HEATR5B: variants seen among roughly 807,000 people sequenced by gnomAD.
The protein encoded by HEATR5B is HEAT repeat containing 5B.
HEATR5B carries 156 observed loss-of-function variants against 224.1 expected under a neutral mutation model. That is an observed-to-expected ratio of 0.70 (90% confidence interval 0.61 to 0.80). HEATR5B has a LOEUF of 0.80. Ranked by LOEUF, HEATR5B falls within the 30% of genes least tolerant of loss-of-function variation. The probability of loss-of-function intolerance (pLI) is 0.00; values close to 1 mark genes in which losing one functional copy is unlikely to be tolerated. For synonymous variants in HEATR5B, 1,027 were observed against 893.0 expected (o/e 1.15, Z -2.68); for missense variants, 2,323 against 2,535.5 (o/e 0.92, Z 1.80).
chr2:37,050,846 TG>T (rs1186792767), intron 17 of HEATR5B, among the ~76,000 whole-genome samples: 1 of 152,148 alleles, frequency 6.6e-6, no homozygotes, highest in Non-Finnish European at 1.5e-5. Context: ...AAGACCATCC[TG>T]GCCAACATGG....
rs184711213 is a variant in HEATR5B, at chr2:37,066,024, C to T, written c.1178-114G>A. The T allele has an allele frequency of 1.3e-5, 11 of 828,314 alleles. No homozygotes were observed. The East Asian group carries it at 1.9e-4, about 14-fold the overall frequency. 51.3% of individuals were successfully genotyped at this position (828,314 alleles called of 1,614,324 possible). On this transcript the variant is annotated intron_variant, in intron 8 of 35. Coordinates refer to ENST00000233099, the MANE Select transcript of HEATR5B (RefSeq NM_019024.3). ...CCAGTTGATGTCCGAGTGTTAAAAACTATGCAGTTATTTCTCAATAGAAAA... is the reference window on the plus strand; with the variant it reads ...CCAGTTGATGTCCGAGTGTTAAAAATTATGCAGTTATTTCTCAATAGAAAA...
intron 1 of HEATR5B, 41 bp downstream of exon 1, chr2:37,084,228 G>T: frequency 2.7e-6 from 1 of 372,386 alleles, no homozygotes; most frequent in Non-Finnish European, 4.8e-6. Flanking sequence ...ACGTCGGACA[G>T]GAGTCCGTGC....
In HEATR5B at chr2:37,031,438, T is replaced by TTTC. The variant is rs1558755866; in HGVS notation, c.3361+1190_3361+1191insGAA. On this transcript the variant is annotated intron_variant, in intron 22 of 35. Transcript: ENST00000233099. Reference sequence around the variant, plus strand: ...TTTTCTGTTTTTCTTTTCTTTCTTTTTTTTTTTTTTTTTAAAGAGACAGGA... The same window carrying TTTC: ...TTTTCTGTTTTTCTTTTCTTTCTTTTTTCTTTTTTTTTTTTTAAAGAGACAGGA... Among the ~76,000 whole-genome samples the TTTC allele has an allele frequency of 1.8e-4, 21 of 119,234 alleles. No homozygotes were observed. The South Asian group carries it at 2.8e-3, about 16-fold the overall frequency. The allele number at this position is 119,234 out of a possible 152,430, so 78.2% of individuals were successfully genotyped here.
chr2:36,999,028 C>A (rs1558707851), intron 33 of HEATR5B, among the ~76,000 whole-genome samples: 1 of 152,022 alleles, frequency 6.6e-6, no homozygotes, highest in African/African-American at 2.4e-5. Flanking sequence ...GGCTGGCCAA[C>A]ATGGTGAAAC....
At chr2:37,060,812 CACAAACTTTATGTAATTTTAGAG>C (rs1450352342) in intron 11 of HEATR5B, 79 bp from the exon 12 acceptor site, 1 of 1,189,138 alleles carries the variant, frequency 8.4e-7, no homozygotes, top group Non-Finnish European at 1.2e-6. Context: ...ATGAGCCCAA[CACAAACTTTATGTAATTTTAGAG>C]ATGAAAATAG....
At chr2:37,063,795 A>G (rs1333887550) in intron 10 of HEATR5B, among the ~76,000 whole-genome samples, 1 of 152,156 alleles carries the variant, frequency 6.6e-6, no homozygotes, top group Non-Finnish European at 1.5e-5. Flanking sequence ...GGAGAAAAAA[A>G]AGCTACTCAT....
chr2:36,990,588 C>G (rs1056033843), intron 34 of HEATR5B, 60 bp downstream of exon 34: 1 of 1,378,878 alleles, frequency 7.3e-7, no homozygotes, highest in Non-Finnish European at 9.7e-7. Context: ...ATGAATCAAT[C>G]TGACATTTTC....
chr2:37,035,746 A>G (rs1669437382), intron 21 of HEATR5B, among the ~76,000 whole-genome samples: 1 of 152,086 alleles, frequency 6.6e-6, no homozygotes, highest in Non-Finnish European at 1.5e-5. Flanking sequence ...TGGTGATCTC[A>G]TCTACTCCTA....
intron 35 of HEATR5B, 85 bp from the exon 36 acceptor site, chr2:36,981,879 G>C (rs1478619516): frequency 2.1e-6 from 2 of 969,606 alleles, no homozygotes; most frequent in East Asian, 5.1e-5. Flanking sequence ...ATGGAAGACT[G>C]AACATAATAA....
chr2:37,008,902 A>G (rs1489266018), intron 27 of HEATR5B, 54 bp from the exon 28 acceptor site: 3 of 1,061,242 alleles, frequency 2.8e-6, no homozygotes, highest in African/African-American at 1.6e-5. Flanking sequence ...AAAAAATAAG[A>G]TATTTTACGT....
intron 22 of HEATR5B, among the ~76,000 whole-genome samples, chr2:37,031,433 TC>T (rs1558755812): frequency 6.7e-6 from 1 of 149,488 alleles, no homozygotes; most frequent in Admixed American, 6.7e-5. Context: ...TTCTTTTCTT[TC>T]TTTTTTTTTT....
chr2:37,065,780 G>T lies in HEATR5B; in HGVS notation c.1308C>A (p.Ser436=), dbSNP rs1026010639. Residue 436 remains serine (S), a synonymous_variant, in exon 9 of 36, where the codon TCC becomes TCA. Coordinates refer to ENST00000233099, the MANE Select transcript of HEATR5B (RefSeq NM_019024.3). ...CTATAGATGCTTCTTGAATAAGAGGGGATGCGGTGGCATTCAAGCTCTGCA... is the reference window on the plus strand; with the variant it reads ...CTATAGATGCTTCTTGAATAAGAGGTGATGCGGTGGCATTCAAGCTCTGCA... ...SLVQSLNATA[S]PLIQEASIGL... is the part of the protein sequence containing the mutation. 15 of 1,613,522 alleles carry T rather than the reference G, an allele frequency of 9.3e-6. 1 individual carries two copies. The highest frequency in any genetic ancestry group is 5.0e-5 in the Admixed American group (3 of 59,948).
At chr2:37,016,341 G>T (rs893433058) in intron 26 of HEATR5B, among the ~76,000 whole-genome samples, 1 of 152,018 alleles carries the variant, frequency 6.6e-6, no homozygotes, top group Non-Finnish European at 1.5e-5. Context: ...TTGATCTCCT[G>T]ACCTCGTGAT....
At chr2:37,066,071 G>A (rs1301064934) in intron 8 of HEATR5B, among the ~76,000 whole-genome samples, 161 bp from the exon 9 acceptor site, 2 of 152,212 alleles carry the variant, frequency 1.3e-5, no homozygotes, top group Non-Finnish European at 2.9e-5. Flanking sequence ...AAACACTGAA[G>A]TGACTTAAAA....
At chr2:37,038,088 T>C (rs879700992) in intron 20 of HEATR5B, 64 bp from the exon 21 acceptor site, 9 of 1,086,104 alleles carry the variant, frequency 8.3e-6, no homozygotes, top group Non-Finnish European at 1.0e-5. Flanking sequence ...AAAATATTCC[T>C]AGTAAACAAT....
At chr2:37,026,269 T>C (rs76290504) in intron 24 of HEATR5B, among the ~76,000 whole-genome samples, 3,321 of 152,264 alleles carry the variant, frequency 0.022, 113 homozygotes, top group African/African-American at 0.076. Flanking sequence ...CTAGAGCCTC[T>C]AGAAAGGAAC....
At chr2:37,007,337 CTTTTTT>C (rs3080796) in intron 28 of HEATR5B, 33 bp from the exon 29 acceptor site, 992 of 1,173,662 alleles carry the variant, frequency 8.5e-4, no homozygotes, top group East Asian at 4.7e-3. Flanking sequence ...AAAAACATTA[CTTTTTT>C]TTTTTTTTTT....
intron 27 of HEATR5B, among the ~76,000 whole-genome samples, chr2:37,010,571 T>C (rs1237919406): frequency 1.3e-5 from 2 of 151,640 alleles, no homozygotes; most frequent in Non-Finnish European, 2.9e-5. Flanking sequence ...TGGAGTGCAG[T>C]GGTGCGATCA....
rs780179239 is a variant in HEATR5B, at chr2:37,065,801, C to G, written c.1287G>C (p.Gln429His). 2 of 1,614,006 alleles carry G rather than the reference C, an allele frequency of 1.2e-6. No homozygotes were observed. Among genetic ancestry groups the G allele is most frequent in the Admixed American group, 3.3e-5 (2 of 59,998 alleles). ...CALQELGSLV[Q>H]SLNATASPLI... ...GAGGGGATGCGGTGGCATTCAAGCT[C>G]TGCACCAGGCTCCCGAGTTCCTGGA... The change falls in exon 9 of 36, where the codon CAG becomes CAC. Residue 429 changes from glutamine (Q) to histidine (H), a missense_variant. Physicochemically the swap from Gln to His is conservative, Grantham distance 24. Transcript: ENST00000233099.
Sources: allele counts gnomAD v4.1 joint callset (sites outside exome capture counted in the v4.1 genomes callset), GRCh38; gene constraint gnomAD v4.1.1; transcripts MANE v1.5; gene names NCBI Gene and HGNC (gene_info 2026-07-23, HGNC 2026-07-21).